The following METTL25 variants were observed in gnomAD, a reference collection of about 807,000 sequenced individuals.
METTL25 encodes the protein probable methyltransferase-like protein 25.
A neutral mutation model predicts 71.6 loss-of-function variants in METTL25; 64 were observed. The ratio of observed to expected loss-of-function variants is 0.89; its 90% CI spans 0.73 to 1.10. METTL25 has a LOEUF of 1.10. METTL25 is among the 50% of genes least tolerant of loss of function. The probability of loss-of-function intolerance (pLI) is 0.00; values close to 1 mark genes in which losing one functional copy is unlikely to be tolerated. For synonymous variants in METTL25, 287 were observed against 250.3 expected, an observed-to-expected ratio of 1.15 and a Z score of -1.38; for missense variants, 807 against 707.0, an observed-to-expected ratio of 1.14 and a Z score of -1.60.
intron 5 of METTL25, among the ~76,000 whole-genome samples, chr12:82,421,208 G>A (rs4356298): frequency 0.92 from 140,164 of 152,176 alleles, 64,906 homozygotes; most frequent in East Asian, 1. Flanking sequence ...GCAGAATTGA[G>A]ATTGGAATAC....
intron 9 of METTL25, among the ~76,000 whole-genome samples, chr12:82,467,875 T>G (rs1249462013): frequency 6.6e-6 from 1 of 152,122 alleles, no homozygotes; most frequent in Admixed American, 6.6e-5. Context: ...TAAGTATGTT[T>G]TCTATACCCT....
At chr12:82,461,209 G>T (rs939457113) in intron 9 of METTL25, among the ~76,000 whole-genome samples, 2 of 152,076 alleles carry the variant, frequency 1.3e-5, no homozygotes, top group Non-Finnish European at 2.9e-5. Context: ...TACAGTATAT[G>T]GAAATTCTCT....
chr12:82,384,612 T>C (rs1592621166), intron 1 of METTL25, among the ~76,000 whole-genome samples: 1 of 150,612 alleles, frequency 6.6e-6, no homozygotes, highest in East Asian at 1.9e-4. Context: ...AACTACCCTT[T>C]TTTAAAAAAA....
intron 5 of METTL25, among the ~76,000 whole-genome samples, chr12:82,423,807 C>T (rs536021911): frequency 3.3e-5 from 5 of 152,044 alleles, no homozygotes; most frequent in Admixed American, 6.6e-5. Flanking sequence ...ACTGGCCATC[C>T]GATAAATGCA....
At chr12:82,394,028 T>G (rs1305003660) in intron 3 of METTL25, among the ~76,000 whole-genome samples, 1 of 152,050 alleles carries the variant, frequency 6.6e-6, no homozygotes, top group Non-Finnish European at 1.5e-5. Context: ...GTTGTTTCAT[T>G]CCCATGTGTT....
intron 8 of METTL25, among the ~76,000 whole-genome samples, chr12:82,453,201 T>G (rs1261241616): frequency 6.6e-6 from 1 of 152,148 alleles, no homozygotes; most frequent in Admixed American, 6.6e-5. Flanking sequence ...TTGTTAGAAT[T>G]ATTTAGTATC....
chr12:82,406,690 C>G (rs1004087342), intron 5 of METTL25, among the ~76,000 whole-genome samples: 6 of 152,054 alleles, frequency 3.9e-5, no homozygotes, highest in African/African-American at 1.4e-4. Flanking sequence ...TCTTTGTTTT[C>G]TTTATCATCA....
intron 9 of METTL25, among the ~76,000 whole-genome samples, chr12:82,466,430 G>A (rs1461612953): frequency 6.7e-6 from 1 of 150,270 alleles, no homozygotes; most frequent in Non-Finnish European, 1.5e-5. Flanking sequence ...TTGATGTTTA[G>A]TTTTATTCCA....
At chr12:82,437,297 C>A (rs1333651462) in intron 7 of METTL25, among the ~76,000 whole-genome samples, 3 of 151,550 alleles carry the variant, frequency 2.0e-5, no homozygotes, top group Admixed American at 1.3e-4. Flanking sequence ...ATGAGTCTAC[C>A]TTCAGTGAAT....
At chr12:82,363,625 A>G (rs1240491996) in intron 1 of METTL25, among the ~76,000 whole-genome samples, 1 of 152,120 alleles carries the variant, frequency 6.6e-6, no homozygotes, top group African/African-American at 2.4e-5. Context: ...TTGACTTCCC[A>G]CTATTAATAG....
rs770379007 is a variant in METTL25, at chr12:82,386,972, G to A, written c.424+5G>A. Reference sequence around the variant, plus strand: ...GAAATCAAAACCAGAGAATTGGTATGTCTATTTATGTGTGTGTATGTGTGC... The same window carrying A: ...GAAATCAAAACCAGAGAATTGGTATATCTATTTATGTGTGTGTATGTGTGC... On this transcript the variant is annotated splice_donor_5th_base_variant and intron_variant, in intron 2 of 11. Transcript: ENST00000248306. The A allele has an allele frequency of 1.2e-6, 2 of 1,610,588 alleles. No homozygotes were observed. Among genetic ancestry groups the A allele is most frequent in the Non-Finnish European group, 1.7e-6 (2 of 1,177,938 alleles).
At chr12:82,474,180 C>T (rs1892746523) in intron 9 of METTL25, among the ~76,000 whole-genome samples, 1 of 152,156 alleles carries the variant, frequency 6.6e-6, no homozygotes. Flanking sequence ...TTTGTGGTAG[C>T]AATGGGGGCT....
chr12:82,391,846 C>A (rs910256394), intron 3 of METTL25, among the ~76,000 whole-genome samples: 1 of 150,946 alleles, frequency 6.6e-6, no homozygotes, highest in Admixed American at 6.6e-5. Flanking sequence ...AATTTACATT[C>A]CCACCAACAG....
intron 1 of METTL25, among the ~76,000 whole-genome samples, chr12:82,383,378 G>A (rs1284159438): frequency 6.6e-6 from 1 of 152,012 alleles, no homozygotes; most frequent in African/African-American, 2.4e-5. Flanking sequence ...AACAACTGTG[G>A]CATGCTAATG....
intron 8 of METTL25, among the ~76,000 whole-genome samples, chr12:82,447,547 T>C (rs1302822134): frequency 6.6e-6 from 1 of 152,102 alleles, no homozygotes; most frequent in Non-Finnish European, 1.5e-5. Flanking sequence ...CTGAATAATT[T>C]AGGAGTATAA....
At chr12:82,429,613 T>C (rs1889327963) in intron 5 of METTL25, among the ~76,000 whole-genome samples, 1 of 151,604 alleles carries the variant, frequency 6.6e-6, no homozygotes, top group Admixed American at 6.6e-5. Flanking sequence ...CTGTTTTTGT[T>C]TTTTTGAGAA....
chr12:82,369,753 A>G (rs1882999604), intron 1 of METTL25, among the ~76,000 whole-genome samples: 1 of 140,052 alleles, frequency 7.1e-6, no homozygotes, highest in Admixed American at 7.3e-5. Flanking sequence ...GGTCCATTTT[A>G]CACAGTGCTG....
chr12:82,449,389 C>T (rs986131176), intron 8 of METTL25, among the ~76,000 whole-genome samples: 1 of 152,194 alleles, frequency 6.6e-6, no homozygotes, highest in Non-Finnish European at 1.5e-5. Flanking sequence ...TCTTCCTGTG[C>T]ACCATGAACA....
Position 82,398,853 on chromosome 12 carries a change from G to T in METTL25, c.590G>T (p.Gly197Val), listed in dbSNP as rs1190608347. ...AGCTCTTTTTTGTCCTTGAAGTATG[G>T]CTTAAAAGTTTATGGAATTGATTCT... ...YLSSFLSLKYGLKVYGIDSSN... is the reference protein window; with the variant it reads ...YLSSFLSLKYVLKVYGIDSSN... Residue 197 changes from glycine to valine, a missense_variant, in exon 4 of 12, where the codon GGC becomes GTC. Physicochemically the swap from Gly to Val is moderately radical, Grantham distance 109. Transcript: ENST00000248306. 3 of 1,597,834 alleles carry T rather than the reference G, an allele frequency of 1.9e-6. No individual in the cohort carries two copies. Among genetic ancestry groups the T allele is most frequent in the Admixed American group, 3.6e-5 (2 of 56,034 alleles).
Sources: allele counts gnomAD v4.1 joint callset (sites outside exome capture counted in the v4.1 genomes callset), GRCh38; gene constraint gnomAD v4.1.1; transcripts MANE v1.5; gene names NCBI Gene and HGNC (gene_info 2026-07-23, HGNC 2026-07-21).